The following PALM2AKAP2 variants were observed in gnomAD, a reference collection of about 807,000 sequenced individuals.
PALM2AKAP2 encodes the protein PALM2-AKAP2 fusion protein.
Under a neutral mutation model 71.5 loss-of-function variants are expected in PALM2AKAP2, and 37 were observed. The observed-to-expected ratio is 0.52, with a 90% CI of 0.40 to 0.68. The LOEUF (loss-of-function observed/expected upper bound fraction) is 0.68, where lower values mean the gene tolerates loss of function less well. PALM2AKAP2 is among the 30% of genes least tolerant of loss of function. PALM2AKAP2 has a pLI of 0.00. For synonymous variants in PALM2AKAP2, 468 were observed against 478.8 expected, an observed-to-expected ratio of 0.98 and a Z score of 0.29; for missense variants, 1,224 against 1,191.8, an observed-to-expected ratio of 1.03 and a Z score of -0.40.
At chr9:109,880,761 T>C in intron 3 of PALM2AKAP2, 80 bp downstream of exon 3, 1 of 1,526,168 alleles carries the variant, frequency 6.6e-7, no homozygotes, top group Non-Finnish European at 8.8e-7. Context: ...GTGGCCTTTC[T>C]CAATACTGTT....
intron 1 of PALM2AKAP2, among the ~76,000 whole-genome samples, chr9:109,820,051 T>C (rs996503536): frequency 2.0e-5 from 3 of 152,150 alleles, no homozygotes; most frequent in African/African-American, 7.2e-5. Flanking sequence ...TGTACTGACA[T>C]GAAGAAAATA....
chr9:109,981,454 C>A (rs1000798977), intron 6 of PALM2AKAP2, among the ~76,000 whole-genome samples: 1 of 152,162 alleles, frequency 6.6e-6, no homozygotes, highest in Non-Finnish European at 1.5e-5. Flanking sequence ...GTCTAGGGAG[C>A]AGAGGCCTAG....
At chr9:109,869,585 G>A (rs1349674435) in intron 2 of PALM2AKAP2, among the ~76,000 whole-genome samples, 5 of 151,146 alleles carry the variant, frequency 3.3e-5, no homozygotes, top group South Asian at 2.1e-4. Context: ...TGATCCACCC[G>A]CCTTGGCCTC....
At chr9:110,153,604 A>G (rs528946634) in intron 2 of PALM2AKAP2, among the ~76,000 whole-genome samples, 1 of 152,374 alleles carries the variant, frequency 6.6e-6, no homozygotes, top group East Asian at 1.9e-4. Flanking sequence ...TATATATTTC[A>G]TAATGGACTT....
intron 2 of PALM2AKAP2, among the ~76,000 whole-genome samples, chr9:110,150,066 A>C (rs1359857269): frequency 3.9e-5 from 6 of 152,194 alleles, no homozygotes. Flanking sequence ...TTAGGTTTAC[A>C]TGAAGTCACA....
intron 6 of PALM2AKAP2, among the ~76,000 whole-genome samples, chr9:110,008,485 TGGTTGA>T: frequency 6.6e-6 from 1 of 152,030 alleles, no homozygotes; most frequent in South Asian, 2.1e-4. Flanking sequence ...CATTATAACC[TGGTTGA>T]GGAGAAAAAA....
intron 1 of PALM2AKAP2, among the ~76,000 whole-genome samples, chr9:109,829,098 G>C (rs941731198): frequency 1.3e-5 from 2 of 152,328 alleles, no homozygotes; most frequent in East Asian, 1.9e-4. Context: ...GGCATACAGA[G>C]GAAATATTGT....
intron 6 of PALM2AKAP2, among the ~76,000 whole-genome samples, chr9:109,985,615 G>A (rs1291872233): frequency 1.1e-4 from 7 of 62,458 alleles, no homozygotes; most frequent in Admixed American, 2.1e-4. Flanking sequence ...ACGAGACTCC[G>A]TCTCAAAAAA....
At chr9:109,954,667 A>T (rs887481093) in intron 6 of PALM2AKAP2, among the ~76,000 whole-genome samples, 1 of 148,924 alleles carries the variant, frequency 6.7e-6, no homozygotes, top group African/African-American at 2.5e-5. Context: ...ATAAAAAAAA[A>T]AAAAAAAAAA....
At chr9:109,849,615 G>T (rs943246717) in intron 1 of PALM2AKAP2, among the ~76,000 whole-genome samples, 2 of 152,078 alleles carry the variant, frequency 1.3e-5, no homozygotes, top group African/African-American at 2.4e-5. Context: ...AATTAGCCAG[G>T]CATGGTGGCG....
rs117058325 is a variant in PALM2AKAP2, at chr9:109,950,804, A to G, written c.496+18776A>G. Among the ~76,000 whole-genome samples, 1,347 of 152,352 alleles carry G rather than the reference A, an allele frequency of 8.8e-3. 11 individuals carry two copies. The highest frequency in any genetic ancestry group is 0.028 in the South Asian group (135 of 4,826). ...GTCATGGAGACAACTCCAAAATGAA[A>G]GAACTATGCAATTGCCTGAAGGTGC... is the stretch of plus-strand genomic sequence containing the variant. On this transcript the variant is annotated intron_variant, in intron 6 of 9. Coordinates refer to the PALM2AKAP2 transcript ENST00000302798.
intron 1 of PALM2AKAP2, among the ~76,000 whole-genome samples, chr9:109,663,833 T>G (rs1451331127): frequency 6.6e-6 from 1 of 152,194 alleles, no homozygotes; most frequent in Non-Finnish European, 1.5e-5. Context: ...AGTCTCTTTG[T>G]AGGTCTCTAA....
At position 109,879,504 on chromosome 9, in the gene PALM2AKAP2, C is replaced by T. The variant is rs375840919; in HGVS notation, c.127-1047C>T. The stretch of plus-strand genomic sequence containing the variant: ...CATCTAGGGACCATATAAGTGGAAC[C>T]TGAATCAAAATTATCCTCTCACATC... On this transcript the variant is annotated intron_variant, in intron 2 of 9. Coordinates refer to the PALM2AKAP2 transcript ENST00000302798. 2.4e-4 allele frequency among the ~76,000 whole-genome samples: 36 copies of T among 152,258 alleles called. No individual in the cohort carries two copies. The South Asian group carries it at 6.4e-3, about 27-fold the overall frequency.
At chr9:109,963,695 G>A (rs1831891993) in intron 6 of PALM2AKAP2, among the ~76,000 whole-genome samples, 2 of 152,272 alleles carry the variant, frequency 1.3e-5, no homozygotes, top group South Asian at 2.1e-4. Flanking sequence ...CCCTACCCCT[G>A]TCCCCTGACT....
In PALM2AKAP2 at chr9:110,136,089, AGT is replaced by A. The variant is rs776421880; in HGVS notation, c.157-37_157-36del. Reference sequence around the variant, plus strand: ...CAGCATTCACATCCATAAGAGATGCAGTATTTAACCCTGACTTTTGTTTACTC... The same window carrying A: ...CAGCATTCACATCCATAAGAGATGCAATTTAACCCTGACTTTTGTTTACTC... On this transcript the variant is annotated intron_variant, in intron 1 of 3. Transcript: ENST00000374525. 3.6e-5 allele frequency: 54 copies of A among 1,520,492 alleles called. No individual in the cohort carries two copies. The East Asian group carries it at 1.2e-3, about 34-fold the overall frequency. 94.2% of individuals were successfully genotyped at this position (1,520,492 alleles called of 1,614,324 possible). A position where few individuals can be genotyped will look rare whatever the true frequency, so the allele number is the denominator to read the frequency against.
intron 6 of PALM2AKAP2, among the ~76,000 whole-genome samples, chr9:109,939,701 A>G (rs1049980069): frequency 6.6e-6 from 1 of 152,218 alleles, no homozygotes; most frequent in Non-Finnish European, 1.5e-5. Flanking sequence ...TTAAATGCCT[A>G]TTCTATTCTT....
chr9:109,754,624 C>CACAACAGAAATTCATTTCTCAT (rs1173945568), intron 1 of PALM2AKAP2, among the ~76,000 whole-genome samples: 25 of 152,268 alleles, frequency 1.6e-4, no homozygotes, highest in Non-Finnish European at 7.4e-5. Flanking sequence ...TCATTTCTCA[C>CACAACAGAAATTCATTTCTCAT]AGTTGTGGAG....
chr9:109,776,890 C>G (rs185284376), upstream of PALM2AKAP2, among the ~76,000 whole-genome samples: 1 of 152,162 alleles, frequency 6.6e-6, no homozygotes, highest in East Asian at 1.9e-4. Flanking sequence ...AGTTAAAAAT[C>G]ACTTAGGAAG....
At chr9:109,837,218 A>G (rs990709212) in intron 1 of PALM2AKAP2, among the ~76,000 whole-genome samples, 1 of 152,248 alleles carries the variant, frequency 6.6e-6, no homozygotes, top group African/African-American at 2.4e-5. Flanking sequence ...AGTGGGGGCC[A>G]ATATTCAACA....
Sources: allele counts gnomAD v4.1 joint callset (sites outside exome capture counted in the v4.1 genomes callset), GRCh38; gene constraint gnomAD v4.1.1; transcripts MANE v1.5; gene names NCBI Gene and HGNC (gene_info 2026-07-23, HGNC 2026-07-21).